The following UBE4B variants were observed in gnomAD, a reference collection of about 807,000 sequenced individuals.
UBE4B encodes ubiquitination factor E4B.
A neutral mutation model predicts 148.1 loss-of-function variants in UBE4B; 27 were observed. The observed-to-expected ratio is 0.18, with a 90% confidence interval of 0.13 to 0.25. UBE4B has a LOEUF of 0.25. Among genes scored for constraint, UBE4B ranks in the 10% least tolerant of loss-of-function variants. The pLI is 1.00. For missense variants in UBE4B, 1,170 were observed against 1,662.4 expected (o/e 0.70, Z 5.15); for synonymous variants, 596 against 619.3 (o/e 0.96, Z 0.56).
intron 1 of UBE4B, among the ~76,000 whole-genome samples, chr1:10,069,796 C>T (rs1644452737): frequency 6.6e-6 from 1 of 152,106 alleles, no homozygotes; most frequent in Non-Finnish European, 1.5e-5. Context: ...GGACTCCCCT[C>T]GGCCGATGAT....
chr1:10,161,999 C>CTTTTTT lies in UBE4B; in HGVS notation c.3198+724_3198+729dup, dbSNP rs764089127. Among the ~76,000 whole-genome samples the CTTTTTT allele has an allele frequency of 2.2e-5, 3 of 137,262 alleles. No individual in the cohort carries two copies. The highest frequency in any genetic ancestry group is 5.3e-5 in the African/African-American group (2 of 37,436). The allele number at this position is 137,262 out of a possible 152,430, so 90.0% of individuals were successfully genotyped here. On this transcript the variant is annotated intron_variant, in intron 23 of 27. Transcript: ENST00000343090. This position sits in a 1 kb window ranked among gnomAD's most constrained non-coding sequence, Gnocchi z 4.1. Reference sequence around the variant, plus strand: ...GGGGACTGCTTTTTCTTCACTTTTTCTTTTTTTTTTTTTTTTGAGACGGAG... The same window carrying CTTTTTT: ...GGGGACTGCTTTTTCTTCACTTTTTCTTTTTTTTTTTTTTTTTTTTTTGAGACGGAG...
chr1:10,116,578 G>T (rs889690928), intron 7 of UBE4B, among the ~76,000 whole-genome samples: 2 of 152,000 alleles, frequency 1.3e-5, no homozygotes, highest in Admixed American at 1.3e-4. Flanking sequence ...TATCAAATCC[G>T]TTTGTGAGTT....
intron 25 of UBE4B, among the ~76,000 whole-genome samples, chr1:10,173,269 G>T (rs1339638463): frequency 6.6e-6 from 1 of 152,014 alleles, no homozygotes; most frequent in Non-Finnish European, 1.5e-5. Flanking sequence ...ACAAGGTCAG[G>T]AGATCACGAC....
chr1:10,133,149 G>T (rs1399436722), intron 15 of UBE4B, among the ~76,000 whole-genome samples: 1 of 152,232 alleles, frequency 6.6e-6, no homozygotes, highest in Non-Finnish European at 1.5e-5. Context: ...GGGTGAGACA[G>T]GCCAGTGGCT....
chr1:10,136,822 A>G (rs1229456450), intron 16 of UBE4B, among the ~76,000 whole-genome samples: 2 of 152,176 alleles, frequency 1.3e-5, no homozygotes, highest in African/African-American at 4.8e-5. Flanking sequence ...AGGGAGGCTG[A>G]GGCAGGAGAA....
chr1:10,037,468 C>G (rs917152505), intron 1 of UBE4B, among the ~76,000 whole-genome samples: 3 of 152,170 alleles, frequency 2.0e-5, no homozygotes, highest in Non-Finnish European at 4.4e-5. Context: ...CTTCAGGAAC[C>G]TACATTCCAA....
In UBE4B at chr1:10,065,451, A is replaced by G. The variant is rs536069847; in HGVS notation, c.25-6577A>G. 6.2e-3 allele frequency among the ~76,000 whole-genome samples: 946 copies of G among 152,288 alleles called. 9 individuals carry two copies. The highest frequency in any genetic ancestry group is 0.01 in the Non-Finnish European group (714 of 68,016). On this transcript the variant is annotated intron_variant, in intron 1 of 27. Coordinates refer to ENST00000343090, the MANE Select transcript of UBE4B (RefSeq NM_001105562.3). ...TGTACTTCACTGTATTGTTGTCCAC[A>G]TATTCACCACCCCTGTCTGGGGAAG...
At chr1:10,144,682 C>G (rs1388866706) in intron 17 of UBE4B, among the ~76,000 whole-genome samples, 1 of 149,354 alleles carries the variant, frequency 6.7e-6, no homozygotes, top group Non-Finnish European at 1.5e-5. Flanking sequence ...TTGCAGTGAG[C>G]TGAGATTGCA....
intron 2 of UBE4B, among the ~76,000 whole-genome samples, chr1:10,080,440 A>G (rs1644659916): frequency 6.6e-6 from 1 of 151,948 alleles, no homozygotes; most frequent in African/African-American, 2.4e-5. Context: ...GAAAGAAAGA[A>G]AGAAAGAAAA....
At chr1:10,071,174 G>A (rs1245604479) in intron 1 of UBE4B, among the ~76,000 whole-genome samples, 1 of 152,134 alleles carries the variant, frequency 6.6e-6, no homozygotes, top group Non-Finnish European at 1.5e-5. Flanking sequence ...CAGAGTGCTG[G>A]GATTACAGGC....
chr1:10,136,803 C>G (rs554519211), intron 16 of UBE4B, among the ~76,000 whole-genome samples: 13 of 152,192 alleles, frequency 8.5e-5, no homozygotes, highest in Non-Finnish European at 8.8e-5. Context: ...CCTGTAATCC[C>G]AGCTTACTAG....
At chr1:10,107,876 C>A (rs1425773003) in intron 7 of UBE4B, among the ~76,000 whole-genome samples, 1 of 152,092 alleles carries the variant, frequency 6.6e-6, no homozygotes, top group African/African-American at 2.4e-5. Context: ...CTGTGTCTGG[C>A]CCCAGAATTT....
At chr1:10,139,280 A>G (rs1645748104) in intron 17 of UBE4B, among the ~76,000 whole-genome samples, 2 of 152,126 alleles carry the variant, frequency 1.3e-5, no homozygotes. Context: ...AATCCCAGCT[A>G]CTTGGGAGGC....
intron 7 of UBE4B, among the ~76,000 whole-genome samples, chr1:10,107,626 G>A (rs1231358218): frequency 6.8e-6 from 1 of 147,210 alleles, no homozygotes; most frequent in African/African-American, 2.5e-5. Context: ...TGCCCAGGCC[G>A]GAGTGCAATG....
At chr1:10,037,116 C>T (rs1570755404) in intron 1 of UBE4B, among the ~76,000 whole-genome samples, 2 of 152,310 alleles carry the variant, frequency 1.3e-5, no homozygotes, top group East Asian at 1.9e-4. Context: ...CAACCTCTGC[C>T]TCCCGGGTTC....
chr1:10,138,874 T>C (rs557970965), intron 17 of UBE4B, among the ~76,000 whole-genome samples: 2,624 of 152,332 alleles, frequency 0.017, 34 homozygotes, highest in Non-Finnish European at 0.027. Flanking sequence ...TTCTCTATTC[T>C]GTTAATGTGG....
chr1:10,119,108 C>T (rs1430138605), intron 8 of UBE4B, among the ~76,000 whole-genome samples: 1 of 151,758 alleles, frequency 6.6e-6, no homozygotes, highest in Non-Finnish European at 1.5e-5. Context: ...GCGTCGATCT[C>T]CTGACCTTGT....
chr1:10,103,516 T>TC (rs1645051586), intron 5 of UBE4B, among the ~76,000 whole-genome samples: 1 of 150,686 alleles, frequency 6.6e-6, no homozygotes, highest in Admixed American at 6.6e-5. Flanking sequence ...GACTGCAACT[T>TC]CTGCCTCCCG....
At chr1:10,045,728 TGGGG>T (rs996519047) in intron 1 of UBE4B, among the ~76,000 whole-genome samples, 1 of 151,690 alleles carries the variant, frequency 6.6e-6, no homozygotes, top group Non-Finnish European at 1.5e-5. Flanking sequence ...AGAGATGATG[TGGGG>T]GCCACCAACT....
Sources: gnomAD v4.1 joint callset for allele counts (sites outside exome capture counted in the v4.1 genomes callset) on GRCh38, gnomAD v4.1.1 for gene constraint, Gnocchi (gnomAD v3.1) non-coding constraint, MANE v1.5 for transcripts, NCBI Gene and HGNC (gene_info 2026-07-23, HGNC 2026-07-21) for gene names.